Variants in ZDHHC6 observed in about 807,000 individuals in gnomAD.
ZDHHC6 encodes the protein palmitoyltransferase ZDHHC6.
Under a neutral mutation model 57.8 loss-of-function variants are expected in ZDHHC6, and 32 were observed. The observed-to-expected ratio is 0.55, with a 90% CI of 0.42 to 0.74. The LOEUF is 0.74. Ranked by LOEUF, ZDHHC6 falls within the 30% of genes least tolerant of loss-of-function variation. ZDHHC6 has a pLI of 0.00. For synonymous variants in ZDHHC6, 128 were observed against 158.0 expected, an observed-to-expected ratio of 0.81 and a Z score of 1.42; for missense variants, 433 against 500.7, an observed-to-expected ratio of 0.86 and a Z score of 1.29.
rs775710838 is a variant in ZDHHC6 at position 112,440,627 on chromosome 10, A to T, written c.588T>A (p.Val196=). The change falls in exon 5 of 11, where the codon GTT becomes GTA. Residue 196 remains valine, a synonymous_variant. Transcript: ENST00000369405. ...TAGCAAATGCAGCTAATCCAAATGG[A>T]ACAATTGGAAGAGGATCTCTCCGGG... is the stretch of plus-strand genomic sequence containing the variant. ...SAARRDPLPI[V]PFGLAAFATT... is the part of the protein sequence containing the mutation. 3 of 1,613,928 alleles carry T rather than the reference A, an allele frequency of 1.9e-6. No homozygotes were observed. Among genetic ancestry groups the T allele is most frequent in the Non-Finnish European group, 1.7e-6 (2 of 1,179,974 alleles).
At chr10:112,447,533 C>T (rs1432448032), upstream of ZDHHC6, 1 of 1,554,012 alleles carries the variant, frequency 6.4e-7, no homozygotes, top group Non-Finnish European at 8.8e-7. Context: ...CGGTGGAACG[C>T]CGCCCGAGTA....
intron 5 of ZDHHC6, 148 bp from the exon 6 acceptor site, chr10:112,438,537 T>A (rs539845271): frequency 1.6e-6 from 1 of 621,414 alleles, no homozygotes; most frequent in East Asian, 4.4e-5. Context: ...ACAATTACCA[T>A]GTCATCCGTC....
downstream of ZDHHC6, chr10:112,427,209 A>G: frequency 6.2e-7 from 1 of 1,608,510 alleles, no homozygotes; most frequent in South Asian, 1.1e-5. Flanking sequence ...GTGTGTGTTC[A>G]TCTTCCAGGT....
chr10:112,438,463 T>A (rs1299008644), intron 5 of ZDHHC6, 74 bp from the exon 6 acceptor site: 5 of 1,143,472 alleles, frequency 4.4e-6, no homozygotes, highest in Non-Finnish European at 5.9e-6. Flanking sequence ...CATAATTCTC[T>A]GAGATAGCTT....
At chr10:112,442,586 G>T (rs1361281956) in intron 3 of ZDHHC6, among the ~76,000 whole-genome samples, 1 of 152,194 alleles carries the variant, frequency 6.6e-6, no homozygotes, top group African/African-American at 2.4e-5. Context: ...CTGAGGAAAA[G>T]ATGTCAGCTA....
rs757796332 is a variant in ZDHHC6, at chr10:112,439,669, A to AAAAAAAAAAAT, written c.681+864_681+865insATTTTTTTTTT. Among the ~76,000 whole-genome samples the AAAAAAAAAAAT allele has an allele frequency of 1.7e-4, 18 of 108,606 alleles. 3 individuals carry two copies. Among genetic ancestry groups the AAAAAAAAAAAT allele is most frequent in the South Asian group, 6.3e-4 (2 of 3,176 alleles). 71.2% of individuals were successfully genotyped at this position (108,606 alleles called of 152,430 possible). On this transcript the variant is annotated intron_variant, in intron 5 of 10. Coordinates refer to ENST00000369405, the MANE Select transcript of ZDHHC6 (RefSeq NM_022494.3). Reference sequence around the variant, plus strand: ...AAAAAAAAAAAAAAAAAAAAAAAAAAGAATGAAAAAGAATGGTTTTTGGTC... The same window carrying AAAAAAAAAAAT: ...AAAAAAAAAAAAAAAAAAAAAAAAAAAAAAAAAAAATGAATGAAAAAGAATGGTTTTTGGTC...
chr10:112,433,170 A>T lies in ZDHHC6; in HGVS notation c.945+70T>A, dbSNP rs1245815283. On this transcript the variant is annotated intron_variant, in intron 8 of 10. Transcript: ENST00000369405. ...ACAATTGGTTTCTAGTCAGTCAATT[A>T]AAAAAACTGTATGGAAGTACAGAGC... The T allele has an allele frequency of 1.0e-5, 13 of 1,297,996 alleles. No homozygotes were observed. In the East Asian group the frequency reaches 1.5e-4, roughly 15 times the overall value. 80.4% of individuals were successfully genotyped at this position (1,297,996 alleles called of 1,614,324 possible). A position where few individuals can be genotyped will look rare whatever the true frequency, so the allele number is the denominator to read the frequency against.
chr10:112,425,281 C>A (rs1375627240), exon 12 of ZDHHC6: 3 of 1,482,788 alleles, frequency 2.0e-6, no homozygotes, highest in Non-Finnish European at 2.8e-6. Context: ...ACCACTCTCC[C>A]CACTGATATC....
At chr10:112,447,311 C>G (rs1846877178), upstream of ZDHHC6, 10 of 1,547,788 alleles carry the variant, frequency 6.5e-6, no homozygotes, top group Non-Finnish European at 7.0e-6. Flanking sequence ...GGGCCCCTCG[C>G]TGCCCCTCGA....
chr10:112,430,405 A>G lies in ZDHHC6; in HGVS notation c.*399T>C, dbSNP rs1844915371. 1 of 153,494 alleles carries G rather than the reference A, an allele frequency of 6.5e-6. No individual in the cohort carries two copies. Among genetic ancestry groups the G allele is most frequent in the Admixed American group, 6.5e-5 (1 of 15,330 alleles). The allele number at this position is 153,494 out of a possible 1,614,324, so 9.5% of individuals were successfully genotyped here. On this transcript the variant is annotated 3_prime_UTR_variant, in exon 11 of 11. Coordinates refer to ENST00000369405, the MANE Select transcript of ZDHHC6 (RefSeq NM_022494.3). ...TACTGAATCTGACAAATTGAGTTCT[A>G]TAGTATCTAGAATATCATATAAGAA...
rs1410755629 is a variant in ZDHHC6, at chr10:112,430,659, T to C, written c.*145A>G. The C allele has an allele frequency of 5.2e-6, 3 of 578,860 alleles. No homozygotes were observed. The highest frequency in any genetic ancestry group is 3.8e-5 in the African/African-American group (2 of 52,370). The allele number at this position is 578,860 out of a possible 1,614,324, so 35.9% of individuals were successfully genotyped here. A position where few individuals can be genotyped will look rare whatever the true frequency, so the allele number is the denominator to read the frequency against. On this transcript the variant is annotated 3_prime_UTR_variant, in exon 11 of 11. Transcript: ENST00000369405. ...TGGCTTCTCCATTTCAAAATGGTAA[T>C]AAAAATATTTAAATCATGGCACTAG...
intron 2 of ZDHHC6, among the ~76,000 whole-genome samples, chr10:112,444,231 C>T (rs1439516087): frequency 6.6e-6 from 1 of 152,176 alleles, no homozygotes; most frequent in African/African-American, 2.4e-5. Context: ...ATCTTTTCCC[C>T]AGTCACACAG....
chr10:112,442,439 A>G, intron 3 of ZDHHC6, 88 bp from the exon 4 acceptor site: 1 of 1,298,984 alleles, frequency 7.7e-7, no homozygotes, highest in Non-Finnish European at 1.0e-6. Context: ...AGCAAATAGG[A>G]ATCCAGCATG....
Position 112,445,199 on chromosome 10 carries a change from G to A in ZDHHC6, c.238C>T (p.Pro80Ser). The A allele has an allele frequency of 6.2e-7, 1 of 1,613,832 alleles. No homozygotes were observed. The highest frequency in any genetic ancestry group is 1.7e-5 in the Admixed American group (1 of 60,022). ...YNYFNAMFVG[P>S]GFVPLGWKPE... is the part of the protein sequence containing the mutation. Reference sequence around the variant, plus strand: ...TTCCACCCCAGAGGGACAAAGCCCGGACCGACAAACATGGCATTGAAGTAA... The same window carrying A: ...TTCCACCCCAGAGGGACAAAGCCCGAACCGACAAACATGGCATTGAAGTAA... Residue 80 changes from proline (P) to serine (S), a missense_variant, in exon 2 of 11, where the codon CCG (proline) becomes TCG (serine). Coordinates refer to ENST00000369405, the MANE Select transcript of ZDHHC6 (RefSeq NM_022494.3).
At chr10:112,432,089 T>G (rs1272066101) in intron 10 of ZDHHC6, 151 bp downstream of exon 10, 1 of 689,538 alleles carries the variant, frequency 1.5e-6, no homozygotes, top group African/African-American at 1.8e-5. Context: ...GAGAAATATA[T>G]AAGGAAGTTC....
intron 5 of ZDHHC6, among the ~76,000 whole-genome samples, chr10:112,439,628 T>TAAAAAAAAAAAAAAAAAAAAAAAA (rs869272293): frequency 8.0e-4 from 25 of 31,304 alleles, no homozygotes; most frequent in Non-Finnish European, 8.8e-4. Context: ...AGACTCCGTC[T>TAAAAAAAAAAAAAAAAAAAAAAAA]AAAAAAAAAA....
intron 2 of ZDHHC6, among the ~76,000 whole-genome samples, chr10:112,444,684 T>C (rs947750270): frequency 1.3e-5 from 2 of 152,212 alleles, no homozygotes; most frequent in Non-Finnish European, 2.9e-5. Flanking sequence ...TAAGCATAAA[T>C]TTCCCAGTAG....
upstream of ZDHHC6, chr10:112,447,248 C>G (rs977202372): frequency 3.0e-6 from 3 of 994,690 alleles, no homozygotes; most frequent in African/African-American, 4.8e-5. Flanking sequence ...TGAGAGCTGT[C>G]CCCGGTTCTC....
At chr10:112,426,165 T>C (rs984591617), downstream of ZDHHC6, 3 of 992,516 alleles carry the variant, frequency 3.0e-6, no homozygotes, top group African/African-American at 1.6e-5. Flanking sequence ...GAAATAACTA[T>C]TACAATGACA....
Sources: gnomAD v4.1 joint callset for allele counts (sites outside exome capture counted in the v4.1 genomes callset) on GRCh38, gnomAD v4.1.1 for gene constraint, MANE v1.5 for transcripts, NCBI Gene and HGNC (gene_info 2026-07-23, HGNC 2026-07-21) for gene names.